BICC1: variants seen among roughly 807,000 people sequenced by gnomAD.
The protein encoded by BICC1 is protein bicaudal C homolog 1.
BICC1 carries 43 observed loss-of-function variants against 111.0 expected under a neutral mutation model. The observed-to-expected ratio is 0.39, with a 90% CI of 0.30 to 0.50. BICC1 has a LOEUF of 0.50. Ranked by LOEUF, BICC1 falls within the 20% of genes least tolerant of loss-of-function variation. The probability of loss-of-function intolerance (pLI) is 0.88; values close to 1 mark genes in which losing one functional copy is unlikely to be tolerated. For synonymous variants in BICC1, 467 were observed against 434.4 expected, an observed-to-expected ratio of 1.07 and a Z score of -0.93; for missense variants, 1,091 against 1,203.2, an observed-to-expected ratio of 0.91 and a Z score of 1.38.
At chr10:58,685,322 G>C (rs1217464686) in intron 2 of BICC1, among the ~76,000 whole-genome samples, 1 of 152,216 alleles carries the variant, frequency 6.6e-6, no homozygotes, top group Non-Finnish European at 1.5e-5. Flanking sequence ...AGTGTGATGT[G>C]CTGAGAAGAA....
In BICC1 at chr10:58,620,082, T is replaced by G. The variant is rs118032693; in HGVS notation, c.191-773T>G. On this transcript the variant is annotated intron_variant, in intron 1 of 20. Coordinates refer to ENST00000373886, the MANE Select transcript of BICC1 (RefSeq NM_001080512.3). ...TGGCCTTAGAAAGATGCAGTCTGAG[T>G]CTGTTGCAAGCAAGATGCTATTGGC... is the stretch of plus-strand genomic sequence containing the variant. 2.2e-4 allele frequency among the ~76,000 whole-genome samples: 33 copies of G among 152,270 alleles called. No homozygotes were observed. The East Asian group carries it at 6.2e-3, about 29-fold the overall frequency.
chr10:58,558,708 T>C (rs1038888262), intron 1 of BICC1, among the ~76,000 whole-genome samples: 8 of 152,094 alleles, frequency 5.3e-5, no homozygotes, highest in Non-Finnish European at 1.2e-4. Flanking sequence ...TTCCCTAGAT[T>C]GGGCAGTTTA....
intron 1 of BICC1, among the ~76,000 whole-genome samples, chr10:58,513,905 G>C (rs553862573): frequency 6.6e-6 from 1 of 152,194 alleles, no homozygotes; most frequent in East Asian, 1.9e-4. Context: ...CCAAAGCGAG[G>C]GGGGAGTGTG....
chr10:58,591,277 G>A (rs1844609176), intron 1 of BICC1, among the ~76,000 whole-genome samples: 2 of 152,082 alleles, frequency 1.3e-5, no homozygotes, highest in African/African-American at 4.8e-5. Context: ...TGGTCAAGAC[G>A]GAAAAACAGA....
intron 3 of BICC1, among the ~76,000 whole-genome samples, chr10:58,781,357 G>A (rs1449987710): frequency 6.6e-6 from 1 of 152,082 alleles, no homozygotes. Context: ...CGTTCATTCA[G>A]CAACAGCTTA....
At chr10:58,574,538 A>G (rs367646693) in intron 1 of BICC1, among the ~76,000 whole-genome samples, 1 of 152,136 alleles carries the variant, frequency 6.6e-6, no homozygotes, top group South Asian at 2.1e-4. Context: ...CATAAGTATT[A>G]AAGTGTATAC....
intron 19 of BICC1, among the ~76,000 whole-genome samples, chr10:58,819,543 G>GC (rs1844193599): frequency 6.6e-6 from 1 of 152,066 alleles, no homozygotes; most frequent in Non-Finnish European, 1.5e-5. Flanking sequence ...GATTCATTTA[G>GC]CAACTTTCAC....
At position 58,820,420 on chromosome 10, in the gene BICC1, G is replaced by C; in HGVS notation, c.2746G>C (p.Gly916Arg). Residue 916 changes from glycine (G) to arginine (R), a missense_variant, in exon 20 of 21, where the codon GGA (glycine) becomes CGA (arginine). This residue lies in a region of BICC1 where 231 missense variants were observed against 256.2 expected (regional missense o/e 0.90). Transcript: ENST00000373886. Reference sequence around the variant, plus strand: ...CACAGATCAGGATCTGAAGGAGCTGGGAATAACTACTTTTGGTGCCAGGAG... The same window carrying C: ...CACAGATCAGGATCTGAAGGAGCTGCGAATAACTACTTTTGGTGCCAGGAG... ...TLTDQDLKELGITTFGARRKM... is the reference protein window; with the variant it reads ...TLTDQDLKELRITTFGARRKM... 1 of 1,612,096 alleles carries C rather than the reference G, an allele frequency of 6.2e-7. No individual in the cohort carries two copies. Among genetic ancestry groups the C allele is most frequent in the Non-Finnish European group, 8.5e-7 (1 of 1,178,560 alleles).
rs1326551475 is a variant in BICC1, at chr10:58,789,992, T to G, written c.1047+59T>G. On this transcript the variant is annotated intron_variant, in intron 8 of 20. Coordinates refer to ENST00000373886, the MANE Select transcript of BICC1 (RefSeq NM_001080512.3). ...TAAACCTCTTTGGATTCAGTGCATG[T>G]TTTTCCATCCACTGTACTAATGTGA... 4 of 1,562,434 alleles carry G rather than the reference T, an allele frequency of 2.6e-6. No individual in the cohort carries two copies. In the Admixed American group the frequency reaches 5.1e-5, roughly 20 times the overall value.
At chr10:58,683,253 G>A (rs1195083112) in intron 2 of BICC1, among the ~76,000 whole-genome samples, 1 of 152,072 alleles carries the variant, frequency 6.6e-6, no homozygotes, top group African/African-American at 2.4e-5. Context: ...TCTCTGTTTT[G>A]GTACCAGTAC....
chr10:58,593,181 A>C (rs1844691830), intron 1 of BICC1, among the ~76,000 whole-genome samples: 1 of 152,126 alleles, frequency 6.6e-6, no homozygotes, highest in African/African-American at 2.4e-5. Flanking sequence ...TGCTGTGGCC[A>C]CACTGCCAGA....
At chr10:58,571,026 T>C (rs1364570224) in intron 1 of BICC1, among the ~76,000 whole-genome samples, 2 of 152,300 alleles carry the variant, frequency 1.3e-5, no homozygotes, top group East Asian at 3.9e-4. Flanking sequence ...GTTGCTCATT[T>C]CTTTACCATT....
intron 1 of BICC1, among the ~76,000 whole-genome samples, chr10:58,614,813 C>G (rs1305269215): frequency 6.6e-6 from 1 of 152,134 alleles, no homozygotes; most frequent in Non-Finnish European, 1.5e-5. Flanking sequence ...AATGAAATTT[C>G]AACAGATGAA....
At chr10:58,557,365 A>G (rs73300537) in intron 1 of BICC1, among the ~76,000 whole-genome samples, 2,585 of 149,476 alleles carry the variant, frequency 0.017, 72 homozygotes, top group African/African-American at 0.061. Flanking sequence ...TCATGTGTTC[A>G]GTGGAGTTCA....
intron 2 of BICC1, among the ~76,000 whole-genome samples, chr10:58,689,594 A>G (rs1839854218): frequency 6.6e-6 from 1 of 152,172 alleles, no homozygotes; most frequent in Non-Finnish European, 1.5e-5. Context: ...AAAGCAAGAG[A>G]CAGTGTTCTT....
At chr10:58,611,698 T>A (rs2132108419) in intron 1 of BICC1, among the ~76,000 whole-genome samples, 1 of 151,960 alleles carries the variant, frequency 6.6e-6, no homozygotes, top group East Asian at 1.9e-4. Flanking sequence ...CCATGCTGCG[T>A]AGGCTGGTCT....
chr10:58,801,625 GTC>G (rs772731899), intron 14 of BICC1, among the ~76,000 whole-genome samples: 1 of 150,938 alleles, frequency 6.6e-6, no homozygotes, highest in African/African-American at 2.4e-5. Context: ...ATTTTGGACA[GTC>G]TCTACAATGT....
At chr10:58,800,796 G>C in intron 13 of BICC1, 94 bp from the exon 14 acceptor site, 2 of 1,245,430 alleles carry the variant, frequency 1.6e-6, no homozygotes, top group African/African-American at 3.1e-5. Flanking sequence ...TGTCTCCATA[G>C]AGTAGGGTTC....
chr10:58,676,192 G>C (rs1320359072), intron 2 of BICC1, among the ~76,000 whole-genome samples: 1 of 152,128 alleles, frequency 6.6e-6, no homozygotes, highest in Non-Finnish European at 1.5e-5. Context: ...CACAAAACTG[G>C]GTGGCTGTTT....
Sources: gnomAD v4.1 joint callset for allele counts (sites outside exome capture counted in the v4.1 genomes callset) on GRCh38, gnomAD v4.1.1 for gene constraint, gnomAD v4.1.1 regional missense constraint, MANE v1.5 for transcripts, NCBI Gene and HGNC (gene_info 2026-07-23, HGNC 2026-07-21) for gene names.